Variants in LMTK2 observed in about 807,000 individuals in gnomAD.
The protein encoded by LMTK2 is lemur tail kinase 2, also known as serine/threonine-protein kinase LMTK2.
Under a neutral mutation model 127.5 loss-of-function variants are expected in LMTK2, and 37 were observed. The observed-to-expected ratio is 0.29, with a 90% CI of 0.22 to 0.38. LMTK2 has a LOEUF of 0.38. Among genes scored for constraint, LMTK2 ranks in the 10% least tolerant of loss-of-function variants. The pLI, the probability that LMTK2 is intolerant of heterozygous loss-of-function variation, is 1.00. For missense variants in LMTK2, 1,694 were observed against 1,920.3 expected, an observed-to-expected ratio of 0.88 and a Z score of 2.20; for synonymous variants, 819 against 810.1, an observed-to-expected ratio of 1.01 and a Z score of -0.19.
chr7:98,118,223 A>C (rs565186753), intron 1 of LMTK2, among the ~76,000 whole-genome samples: 1 of 152,372 alleles, frequency 6.6e-6, no homozygotes, highest in Non-Finnish European at 1.5e-5. Context: ...TACTAACTGC[A>C]TTATAATGAT....
intron 7 of LMTK2, among the ~76,000 whole-genome samples, chr7:98,180,996 G>C (rs1297286307): frequency 1.3e-5 from 2 of 152,088 alleles, no homozygotes; most frequent in Non-Finnish European, 2.9e-5. Flanking sequence ...AATAGGAGCT[G>C]GGGAGCCCTT....
At chr7:98,138,809 C>T (rs1478786498) in intron 2 of LMTK2, among the ~76,000 whole-genome samples, 3 of 152,202 alleles carry the variant, frequency 2.0e-5, no homozygotes, top group African/African-American at 7.2e-5. Context: ...TTTTGAATCT[C>T]AGGATTGAAT....
intron 6 of LMTK2, among the ~76,000 whole-genome samples, chr7:98,163,522 T>C (rs1797044558): frequency 6.6e-6 from 1 of 152,178 alleles, no homozygotes; most frequent in African/African-American, 2.4e-5. Context: ...ATATCACTTC[T>C]GGGCTCTCGT....
intron 6 of LMTK2, among the ~76,000 whole-genome samples, chr7:98,162,610 G>A (rs775626808): frequency 3.9e-5 from 6 of 152,138 alleles, no homozygotes; most frequent in Non-Finnish European, 8.8e-5. Flanking sequence ...AGCTCTGGTC[G>A]CCATCAAAAG....
At chr7:98,166,285 G>A (rs139309354) in intron 6 of LMTK2, among the ~76,000 whole-genome samples, 240 of 152,376 alleles carry the variant, frequency 1.6e-3, no homozygotes, top group African/African-American at 5.5e-3. Flanking sequence ...TGCACCTGTA[G>A]CTGGAGCGCT....
At chr7:98,187,064 G>A (rs1562918641) in intron 9 of LMTK2, 66 bp downstream of exon 9, 3 of 1,467,714 alleles carry the variant, frequency 2.0e-6, no homozygotes, top group African/African-American at 2.8e-5. Context: ...TCCTCTTTGA[G>A]TACTTCCTTA....
intron 1 of LMTK2, among the ~76,000 whole-genome samples, chr7:98,119,696 A>G (rs1408466543): frequency 6.6e-6 from 1 of 152,158 alleles, no homozygotes; most frequent in East Asian, 1.9e-4. Flanking sequence ...CACTGCAGCT[A>G]GAGTCAGGGT....
At chr7:98,174,792 G>C (rs1797252283) in intron 7 of LMTK2, among the ~76,000 whole-genome samples, 1 of 152,190 alleles carries the variant, frequency 6.6e-6, no homozygotes, top group Non-Finnish European at 1.5e-5. Flanking sequence ...AGCCTGCAGA[G>C]TTCAATGACA....
In LMTK2 at chr7:98,208,445, G is replaced by T. The variant is rs1240156154; in HGVS notation, c.*2953G>T. ...GTTATCAGTGGTGGGTTTTCAAAAT[G>T]TACTTGTTCTAATAAGTTGTACAAT... On this transcript the variant is annotated 3_prime_UTR_variant, in exon 14 of 14. Coordinates refer to ENST00000297293, the MANE Select transcript of LMTK2 (RefSeq NM_014916.4). 6.6e-6 allele frequency: 1 copy of T among 152,132 alleles called. No individual in the cohort carries two copies. Among genetic ancestry groups the T allele is most frequent in the Non-Finnish European group, 1.5e-5 (1 of 68,012 alleles). 9.4% of individuals were successfully genotyped at this position (152,132 alleles called of 1,614,324 possible).
chr7:98,111,469 T>C (rs538203880), intron 1 of LMTK2, among the ~76,000 whole-genome samples: 9 of 152,016 alleles, frequency 5.9e-5, no homozygotes, highest in African/African-American at 2.2e-4. Context: ...TGGAACAGAG[T>C]GTTGTAGGAA....
rs1406409032 is a variant in LMTK2, at chr7:98,207,630, C to T, written c.*2138C>T. 1 of 151,862 alleles carries T rather than the reference C, an allele frequency of 6.6e-6. No homozygotes were observed. The highest frequency in any genetic ancestry group is 6.6e-5 in the Admixed American group (1 of 15,234). 9.4% of individuals were successfully genotyped at this position (151,862 alleles called of 1,614,324 possible). A position where few individuals can be genotyped will look rare whatever the true frequency, so the allele number is the denominator to read the frequency against. ...TTTTTACATCTAAGATTAGTCTTGG[C>T]TGAAGAGAAATGAGACGTGATTATA... is the stretch of plus-strand genomic sequence containing the variant. On this transcript the variant is annotated 3_prime_UTR_variant, in exon 14 of 14. Coordinates refer to ENST00000297293, the MANE Select transcript of LMTK2 (RefSeq NM_014916.4).
intron 1 of LMTK2, among the ~76,000 whole-genome samples, chr7:98,129,525 T>C (rs1189960161): frequency 1.3e-5 from 2 of 152,020 alleles, no homozygotes; most frequent in East Asian, 3.9e-4. Flanking sequence ...TCACCGTACC[T>C]GGCTGATTTT....
At chr7:98,200,795 T>G (rs1322497681) in intron 11 of LMTK2, among the ~76,000 whole-genome samples, 1 of 152,216 alleles carries the variant, frequency 6.6e-6, no homozygotes, top group African/African-American at 2.4e-5. Context: ...ATGAAAATAG[T>G]TGTTATACTG....
intron 1 of LMTK2, among the ~76,000 whole-genome samples, chr7:98,120,127 C>G (rs915704326): frequency 6.6e-6 from 1 of 152,172 alleles, no homozygotes; most frequent in South Asian, 2.1e-4. Context: ...ACCATAGGCT[C>G]TTGTATTAGT....
chr7:98,185,472 C>G (rs1450324497), intron 8 of LMTK2, among the ~76,000 whole-genome samples: 3 of 152,170 alleles, frequency 2.0e-5, no homozygotes, highest in Non-Finnish European at 4.4e-5. Flanking sequence ...ATATACATAT[C>G]ATATAAATGT....
rs142862193 is a variant in LMTK2 at position 98,182,726 on chromosome 7, C to T, written c.792-2325C>T. On this transcript the variant is annotated intron_variant, in intron 7 of 13. Transcript: ENST00000297293. ...ATTTCCATGTGATGCAGTGATGCCACTTATGGGCATATCCCCAAAATGGTT... is the reference window on the plus strand; with the variant it reads ...ATTTCCATGTGATGCAGTGATGCCATTTATGGGCATATCCCCAAAATGGTT... Among the ~76,000 whole-genome samples, 10 of 152,310 alleles carry T rather than the reference C, an allele frequency of 6.6e-5. No individual in the cohort carries two copies. The East Asian group carries it at 1.2e-3, about 18-fold the overall frequency.
Position 98,199,399 on chromosome 7 carries a change from A to T in LMTK2, c.4108-4175A>T, listed in dbSNP as rs573467325. Among the ~76,000 whole-genome samples, 193 of 152,344 alleles carry T rather than the reference A, an allele frequency of 1.3e-3. 1 individual carries two copies. Among genetic ancestry groups the T allele is most frequent in the African/African-American group, 4.4e-3 (183 of 41,570 alleles). On this transcript the variant is annotated intron_variant, in intron 11 of 13. Coordinates refer to ENST00000297293, the MANE Select transcript of LMTK2 (RefSeq NM_014916.4). ...ATTTTGCAGCTCTGTTGATGCATAT[A>T]CATTGAGGATGATGATGTCTTCTTG...
intron 10 of LMTK2, among the ~76,000 whole-genome samples, chr7:98,191,295 T>C (rs955880693): frequency 6.6e-6 from 1 of 152,120 alleles, no homozygotes; most frequent in Non-Finnish European, 1.5e-5. Context: ...GGCTCATCCC[T>C]GTAATCCCAG....
chr7:98,117,949 A>AGAGT (rs1491228084), intron 1 of LMTK2, among the ~76,000 whole-genome samples: 1 of 152,208 alleles, frequency 6.6e-6, no homozygotes, highest in African/African-American at 2.4e-5. Context: ...CCTGGGTGAC[A>AGAGT]GAGTGAGATT....
Sources: allele counts gnomAD v4.1 joint callset (sites outside exome capture counted in the v4.1 genomes callset), GRCh38; gene constraint gnomAD v4.1.1; transcripts MANE v1.5; gene names NCBI Gene and HGNC (gene_info 2026-07-23, HGNC 2026-07-21).